Variants in PHACTR1 observed in about 807,000 individuals in gnomAD.
PHACTR1 encodes RPEL repeat containing 1.
A neutral mutation model predicts 69.2 loss-of-function variants in PHACTR1; 16 were observed. The ratio of observed to expected loss-of-function variants is 0.23; its 90% CI spans 0.16 to 0.35. The LOEUF is 0.35. PHACTR1 is among the 10% of genes least tolerant of loss of function. The pLI is 1.00. For missense variants in PHACTR1, 510 were observed against 734.7 expected (o/e 0.69, Z 3.54); for synonymous variants, 312 against 284.5 (o/e 1.10, Z -0.97).
intron 13 of PHACTR1, among the ~76,000 whole-genome samples, chr6:13,285,628 A>G (rs749324778): frequency 9.9e-5 from 15 of 152,214 alleles, no homozygotes; most frequent in Non-Finnish European, 1.8e-4. Context: ...TGTATCTCAC[A>G]TGGTGAAATA....
At chr6:12,859,513 G>A (rs965202546) in intron 4 of PHACTR1, among the ~76,000 whole-genome samples, 2 of 152,182 alleles carry the variant, frequency 1.3e-5, no homozygotes, top group African/African-American at 4.8e-5. Context: ...GCTATGCTAA[G>A]TGATATCTAA....
intron 4 of PHACTR1, among the ~76,000 whole-genome samples, chr6:12,944,924 A>G (rs1266477507): frequency 6.6e-6 from 1 of 151,916 alleles, no homozygotes; most frequent in African/African-American, 2.4e-5. Context: ...CTGGGACTAC[A>G]GACACCCGCC....
intron 4 of PHACTR1, among the ~76,000 whole-genome samples, chr6:12,992,096 G>A (rs1796887520): frequency 6.6e-6 from 1 of 152,064 alleles, no homozygotes; most frequent in South Asian, 2.1e-4. Flanking sequence ...AGAGAAGGGT[G>A]AGCTCTAGGT....
chr6:13,177,853 C>G (rs781749610), intron 6 of PHACTR1, among the ~76,000 whole-genome samples: 4 of 152,214 alleles, frequency 2.6e-5, no homozygotes, highest in Non-Finnish European at 5.9e-5. Context: ...AATGAGCTAA[C>G]AGCAAACCTC....
intron 4 of PHACTR1, among the ~76,000 whole-genome samples, chr6:12,785,816 A>G (rs963250586): frequency 4.6e-5 from 7 of 152,130 alleles, no homozygotes; most frequent in Non-Finnish European, 7.4e-5. Flanking sequence ...CATTACTCAC[A>G]TTATATTCAT....
At chr6:13,139,545 T>C (rs1222762306) in intron 5 of PHACTR1, among the ~76,000 whole-genome samples, 1 of 152,198 alleles carries the variant, frequency 6.6e-6, no homozygotes, top group Non-Finnish European at 1.5e-5. Context: ...AAACTTTCAT[T>C]TGAGGAACTG....
At chr6:13,056,000 T>C (rs141303548) in intron 5 of PHACTR1, among the ~76,000 whole-genome samples, 1 of 152,374 alleles carries the variant, frequency 6.6e-6, no homozygotes, top group African/African-American at 2.4e-5. Flanking sequence ...AGTTTTGTTT[T>C]GTTTTCTTAG....
intron 4 of PHACTR1, among the ~76,000 whole-genome samples, chr6:12,756,044 C>T (rs1244809660): frequency 6.6e-6 from 1 of 152,102 alleles, no homozygotes; most frequent in African/African-American, 2.4e-5. Flanking sequence ...ATAAATGCGG[C>T]AGAGGCACAT....
intron 7 of PHACTR1, among the ~76,000 whole-genome samples, chr6:13,190,116 T>C (rs1282534453): frequency 1.3e-5 from 2 of 150,150 alleles, no homozygotes; most frequent in African/African-American, 4.9e-5. Context: ...CTCCACCTCC[T>C]GGGTTCAAGT....
At chr6:12,866,996 A>G (rs1339667650) in intron 4 of PHACTR1, among the ~76,000 whole-genome samples, 2 of 152,082 alleles carry the variant, frequency 1.3e-5, no homozygotes, top group Admixed American at 1.3e-4. Flanking sequence ...GTGTTTGCTA[A>G]GTTTTAAGCT....
chr6:12,812,894 T>C (rs1319498145), intron 4 of PHACTR1, among the ~76,000 whole-genome samples: 1 of 152,186 alleles, frequency 6.6e-6, no homozygotes, highest in Non-Finnish European at 1.5e-5. Flanking sequence ...CTGGCAATCC[T>C]CAGAGAAGAA....
intron 10 of PHACTR1, among the ~76,000 whole-genome samples, chr6:13,259,778 T>G (rs1467071719): frequency 1.3e-5 from 2 of 152,262 alleles, no homozygotes; most frequent in East Asian, 3.9e-4. Context: ...CAGTTCATCT[T>G]CCCCCCTCTG....
At chr6:13,268,126 G>C (rs1427020063) in intron 10 of PHACTR1, among the ~76,000 whole-genome samples, 1 of 152,158 alleles carries the variant, frequency 6.6e-6, no homozygotes, top group East Asian at 1.9e-4. Context: ...AATTAGCTGG[G>C]CGTGGTGGCA....
chr6:13,249,797 C>CAAAA (rs5874406), intron 10 of PHACTR1, among the ~76,000 whole-genome samples: 7 of 79,882 alleles, frequency 8.8e-5, no homozygotes, highest in Admixed American at 1.3e-4. Context: ...AACTCCGTCT[C>CAAAA]AAAAAAAAAA....
intron 4 of PHACTR1, among the ~76,000 whole-genome samples, chr6:12,830,047 AGAAGGAAG>A (rs142925668): frequency 2.2e-5 from 3 of 137,736 alleles, no homozygotes; most frequent in African/African-American, 8.4e-5. Flanking sequence ...AAGAAAAGAA[AGAAGGAAG>A]GAAGGAAGGA....
intron 5 of PHACTR1, among the ~76,000 whole-genome samples, chr6:13,133,722 C>G (rs1282746874): frequency 6.6e-6 from 1 of 152,046 alleles, no homozygotes; most frequent in Non-Finnish European, 1.5e-5. Flanking sequence ...GCCACCCCGT[C>G]TGGGAAGTGA....
chr6:13,193,357 G>GTATATATGTATATATATA (rs1763871256), intron 7 of PHACTR1, among the ~76,000 whole-genome samples: 1 of 68,162 alleles, frequency 1.5e-5, no homozygotes, highest in Non-Finnish European at 3.4e-5. Context: ...AGCTCTCTGT[G>GTATATATGTATATATATA]TATATATATA....
chr6:12,866,146 CATA>C (rs771625873), intron 4 of PHACTR1, among the ~76,000 whole-genome samples: 2 of 152,112 alleles, frequency 1.3e-5, no homozygotes, highest in Non-Finnish European at 2.9e-5. Context: ...GGGGAAGAAC[CATA>C]ATGATAATAA....
chr6:13,237,131 C>T (rs975577552), intron 10 of PHACTR1, among the ~76,000 whole-genome samples: 11 of 152,198 alleles, frequency 7.2e-5, no homozygotes, highest in African/African-American at 2.7e-4. Context: ...AATCCCAGCA[C>T]TTTGGGGGGC....
Sources: allele counts gnomAD v4.1 joint callset (sites outside exome capture counted in the v4.1 genomes callset), GRCh38; gene constraint gnomAD v4.1.1; transcripts MANE v1.5; gene names NCBI Gene and HGNC (gene_info 2026-07-23, HGNC 2026-07-21).